EXOC4: variants seen among roughly 807,000 people sequenced by gnomAD.
The protein encoded by EXOC4 is exocyst complex component 4.
A neutral mutation model predicts 107.2 loss-of-function variants in EXOC4; 71 were observed. The observed-to-expected ratio is 0.66, with a 90% CI of 0.55 to 0.81. The LOEUF is 0.81. Among genes scored for constraint, EXOC4 ranks in the 30% least tolerant of loss-of-function variants. The pLI, the probability that EXOC4 is intolerant of heterozygous loss-of-function variation, is 0.00. For missense variants in EXOC4, 1,108 were observed against 1,189.6 expected, an observed-to-expected ratio of 0.93 and a Z score of 1.01; for synonymous variants, 456 against 441.2, an observed-to-expected ratio of 1.03 and a Z score of -0.42.
At chr7:133,299,771 C>T (rs1176480874) in intron 3 of EXOC4, among the ~76,000 whole-genome samples, 1 of 152,150 alleles carries the variant, frequency 6.6e-6, no homozygotes. Context: ...TCTAATTTGC[C>T]TTATCCTGTA....
intron 9 of EXOC4, among the ~76,000 whole-genome samples, chr7:133,510,544 A>G (rs1799749662): frequency 2.6e-5 from 4 of 152,312 alleles, no homozygotes; most frequent in Middle Eastern, 3.4e-3. Context: ...TCTTATCTCT[A>G]AAAGGTGATC....
At chr7:134,022,461 G>A (rs546241682) in intron 17 of EXOC4, among the ~76,000 whole-genome samples, 147 of 152,192 alleles carry the variant, frequency 9.7e-4, no homozygotes, top group Admixed American at 3.2e-3. Context: ...GGAAGAATTG[G>A]CTTTCAGGCA....
chr7:134,079,530 A>G, the EXOC4 span, among the ~76,000 whole-genome samples: 1 of 152,124 alleles, frequency 6.6e-6, no homozygotes, highest in Non-Finnish European at 1.5e-5. Flanking sequence ...TCCCTCCAGT[A>G]CTATTCCTGT....
rs111669930 is a variant in EXOC4, at chr7:133,395,652, T to TTA, written c.1182+20661_1182+20662dup. Among the ~76,000 whole-genome samples, 335 of 151,692 alleles carry TTA rather than the reference T, an allele frequency of 2.2e-3. 2 individuals are homozygous for TTA. Among genetic ancestry groups the TTA allele is most frequent in the African/African-American group, 7.5e-3 (311 of 41,326 alleles). On this transcript the variant is annotated intron_variant, in intron 7 of 17. Transcript: ENST00000253861. The stretch of plus-strand genomic sequence containing the variant: ...GTGAGTTTTACTGCTCAGTAGAAAA[T>TTA]TATATATATATACACTGTATATATA...
At chr7:133,576,675 G>A (rs746913620) in intron 9 of EXOC4, 5 of 1,289,608 alleles carry the variant, frequency 3.9e-6, no homozygotes, top group East Asian at 1.1e-4. Context: ...TCAGAAGTGA[G>A]CAATGGGAGC....
intron 10 of EXOC4, among the ~76,000 whole-genome samples, chr7:133,807,355 G>A (rs1797102940): frequency 6.6e-6 from 1 of 152,178 alleles, no homozygotes; most frequent in Non-Finnish European, 1.5e-5. Flanking sequence ...TCAGGACGTG[G>A]TAAGCGCTCC....
At chr7:133,954,052 T>G (rs1034070675) in intron 14 of EXOC4, among the ~76,000 whole-genome samples, 1 of 152,352 alleles carries the variant, frequency 6.6e-6, no homozygotes, top group Non-Finnish European at 1.5e-5. Context: ...TTGTAATATG[T>G]TCCAGGTGAA....
At chr7:133,523,395 G>A (rs896067131) in intron 9 of EXOC4, among the ~76,000 whole-genome samples, 2 of 151,066 alleles carry the variant, frequency 1.3e-5, no homozygotes, top group African/African-American at 2.4e-5. Context: ...TTTGGAATAC[G>A]TATGATCTAA....
At chr7:134,024,781 GGA>G (rs1563095548) in intron 17 of EXOC4, among the ~76,000 whole-genome samples, 3 of 152,158 alleles carry the variant, frequency 2.0e-5, no homozygotes, top group Non-Finnish European at 4.4e-5. Flanking sequence ...GGGGAGCTAA[GGA>G]CTCCAAGCAC....
At chr7:133,910,613 G>A (rs1185815107) in intron 12 of EXOC4, among the ~76,000 whole-genome samples, 1 of 152,060 alleles carries the variant, frequency 6.6e-6, no homozygotes, top group Non-Finnish European at 1.5e-5. Flanking sequence ...TGTTTGTTTT[G>A]TTTTATTTGG....
At chr7:133,571,831 C>T (rs988151077) in intron 9 of EXOC4, among the ~76,000 whole-genome samples, 16 of 152,162 alleles carry the variant, frequency 1.1e-4, no homozygotes, top group African/African-American at 3.6e-4. Flanking sequence ...TGGTGAAAGG[C>T]AGAAGAGTAA....
chr7:134,057,889 G>T (rs191829731), intron 17 of EXOC4, among the ~76,000 whole-genome samples: 62 of 152,254 alleles, frequency 4.1e-4, no homozygotes, highest in African/African-American at 1.4e-3. Flanking sequence ...GGTGGTATTT[G>T]CCCAAGGTCA....
intron 10 of EXOC4, among the ~76,000 whole-genome samples, chr7:133,801,010 A>G (rs1253543635): frequency 6.6e-6 from 1 of 152,220 alleles, no homozygotes; most frequent in African/African-American, 2.4e-5. Flanking sequence ...ATGTCTGCTC[A>G]GAACCATCTT....
chr7:133,464,361 GAGTTGATTTCA>G (rs1452935902), intron 7 of EXOC4, among the ~76,000 whole-genome samples: 1 of 152,186 alleles, frequency 6.6e-6, no homozygotes, highest in Non-Finnish European at 1.5e-5. Flanking sequence ...GTAAGTAGTA[GAGTTGATTTCA>G]AGCACAGACT....
intron 10 of EXOC4, among the ~76,000 whole-genome samples, chr7:133,723,116 G>C (rs1404945535): frequency 6.6e-6 from 1 of 152,188 alleles, no homozygotes; most frequent in Non-Finnish European, 1.5e-5. Flanking sequence ...GCTGCCAGAT[G>C]AGTGAATATA....
intron 11 of EXOC4, among the ~76,000 whole-genome samples, chr7:133,839,284 T>C (rs1055885585): frequency 6.6e-6 from 1 of 152,218 alleles, no homozygotes; most frequent in African/African-American, 2.4e-5. Flanking sequence ...GCATTTCTTT[T>C]ATCCCATCCC....
intron 14 of EXOC4, among the ~76,000 whole-genome samples, chr7:133,969,797 C>T (rs995225221): frequency 2.0e-5 from 3 of 152,216 alleles, no homozygotes; most frequent in African/African-American, 2.4e-5. Context: ...AGGTATCTCC[C>T]AGTCAGGAGA....
intron 9 of EXOC4, among the ~76,000 whole-genome samples, chr7:133,625,141 A>G (rs1585039666): frequency 6.6e-6 from 1 of 152,346 alleles, no homozygotes; most frequent in East Asian, 1.9e-4. Context: ...TGTGTTGCCT[A>G]AAGTAACAAG....
chr7:134,029,672 A>G (rs780197463), intron 17 of EXOC4, among the ~76,000 whole-genome samples: 3 of 151,962 alleles, frequency 2.0e-5, no homozygotes, highest in Non-Finnish European at 2.9e-5. Flanking sequence ...GGCAGACACA[A>G]TCACTCTCAG....
Sources: gnomAD v4.1 joint callset for allele counts (sites outside exome capture counted in the v4.1 genomes callset) on GRCh38, gnomAD v4.1.1 for gene constraint, MANE v1.5 for transcripts, NCBI Gene and HGNC (gene_info 2026-07-23, HGNC 2026-07-21) for gene names.